Variants in MTUS1 observed in about 807,000 individuals in gnomAD.
The protein encoded by MTUS1 is microtubule associated scaffold protein 1, also known as microtubule-associated tumor suppressor 1.
A neutral mutation model predicts 120.8 loss-of-function variants in MTUS1; 109 were observed. The ratio of observed to expected loss-of-function variants is 0.90; its 90% CI spans 0.77 to 1.06. MTUS1 has a LOEUF of 1.06. MTUS1 is among the 50% of genes least tolerant of loss of function. MTUS1 has a pLI of 0.00. For synonymous variants in MTUS1, 737 were observed against 550.5 expected, an observed-to-expected ratio of 1.34 and a Z score of -4.74; for missense variants, 2,210 against 1,486.3, an observed-to-expected ratio of 1.49 and a Z score of -8.01.
chr8:17,679,061 C>G (rs2130702011), intron 7 of MTUS1, among the ~76,000 whole-genome samples: 1 of 152,272 alleles, frequency 6.6e-6, no homozygotes, highest in African/African-American at 2.4e-5. Flanking sequence ...ATGTCTGCCA[C>G]TACAGTGGGA....
In MTUS1 at chr8:17,644,129, C is replaced by G. The variant is rs913657742; in HGVS notation, c.*1797G>C. 1 of 152,162 alleles carries G rather than the reference C, an allele frequency of 6.6e-6. No individual in the cohort carries two copies. The highest frequency in any genetic ancestry group is 3.2e-3 in the Middle Eastern group (1 of 316). The allele number at this position is 152,162 out of a possible 1,614,324, so 9.4% of individuals were successfully genotyped here. ...TGGCAAACCCAACTTTGGCTAATGT[C>G]ATTGAGAACAACTTGGAAGCGTGAG... On this transcript the variant is annotated 3_prime_UTR_variant, in exon 15 of 15. Coordinates refer to ENST00000693296, the MANE Select transcript of MTUS1 (RefSeq NM_001363059.2).
intron 2 of MTUS1, among the ~76,000 whole-genome samples, chr8:17,747,640 T>C (rs1229637955): frequency 6.7e-6 from 1 of 149,964 alleles, no homozygotes; most frequent in Non-Finnish European, 1.5e-5. Flanking sequence ...GAAAGTTGCC[T>C]TTTCCAAAAC....
chr8:17,695,130 G>A (rs533523156), intron 6 of MTUS1, among the ~76,000 whole-genome samples: 4 of 152,258 alleles, frequency 2.6e-5, no homozygotes, highest in Non-Finnish European at 4.4e-5. Context: ...CCCACTTGAC[G>A]GACGATTTCT....
intron 6 of MTUS1, among the ~76,000 whole-genome samples, chr8:17,698,399 T>G (rs888124707): frequency 6.6e-6 from 1 of 151,996 alleles, no homozygotes; most frequent in Admixed American, 6.6e-5. Context: ...CCAAAAGAAC[T>G]TGAAAAACAA....
rs1805560960 is a variant in MTUS1 at position 17,645,319 on chromosome 8, A to G, written c.*607T>C. On this transcript the variant is annotated 3_prime_UTR_variant, in exon 15 of 15. Coordinates refer to ENST00000693296, the MANE Select transcript of MTUS1 (RefSeq NM_001363059.2). Reference sequence around the variant, plus strand: ...CCTACCCTGTTACAGGGCTGAGCAGAGTTGGTGGTAGATGATCATAATTCA... The same window carrying G: ...CCTACCCTGTTACAGGGCTGAGCAGGGTTGGTGGTAGATGATCATAATTCA... The G allele has an allele frequency of 6.5e-6, 1 of 152,736 alleles. No individual in the cohort carries two copies. Among genetic ancestry groups the G allele is most frequent in the Admixed American group, 6.5e-5 (1 of 15,288 alleles). 9.5% of individuals were successfully genotyped at this position (152,736 alleles called of 1,614,324 possible). A position where few individuals can be genotyped will look rare whatever the true frequency, so the allele number is the denominator to read the frequency against.
chr8:17,720,900 A>G (rs1166322325), intron 4 of MTUS1, among the ~76,000 whole-genome samples: 1 of 152,212 alleles, frequency 6.6e-6, no homozygotes, highest in East Asian at 1.9e-4. Context: ...GAAATTTTCT[A>G]CACTTAAAAG....
chr8:17,781,861 T>C (rs2050899532), intron 1 of MTUS1, among the ~76,000 whole-genome samples: 1 of 152,140 alleles, frequency 6.6e-6, no homozygotes, highest in African/African-American at 2.4e-5. Flanking sequence ...GACTTGGCCC[T>C]AGATAATCAT....
At chr8:17,774,265 C>T in intron 1 of MTUS1, among the ~76,000 whole-genome samples, 1 of 152,190 alleles carries the variant, frequency 6.6e-6, no homozygotes, top group South Asian at 2.1e-4. Flanking sequence ...AACACTAGCC[C>T]TTCACATCTG....
rs2048518564 is a variant in MTUS1 at position 17,755,238 on chromosome 8, C to T, written c.570G>A (p.Leu190=). The change falls in exon 2 of 15, where the codon CTG becomes CTA. Residue 190 remains leucine, a synonymous_variant. Transcript: ENST00000693296. ...KSQSFHTAGS[L]PPTGRRSGST... is the part of the protein sequence containing the mutation. ...TTCCACTTCTCCTACCAGTTGGTGG[C>T]AGGCTTCCAGCAGTATGGAAGGACT... The T allele has an allele frequency of 6.2e-6, 10 of 1,614,120 alleles. No individual in the cohort carries two copies. Among genetic ancestry groups the T allele is most frequent in the Non-Finnish European group, 8.5e-6 (10 of 1,179,986 alleles).
chr8:17,681,758 G>C (rs145151242), intron 7 of MTUS1: 1 of 154,736 alleles, frequency 6.5e-6, no homozygotes. Context: ...AAATGATAAA[G>C]AGCCTTATAG....
At chr8:17,666,816 T>C (rs1585529276) in intron 8 of MTUS1, among the ~76,000 whole-genome samples, 1 of 152,258 alleles carries the variant, frequency 6.6e-6, no homozygotes, top group East Asian at 1.9e-4. Flanking sequence ...CCTATTACTA[T>C]TCCTTAAAGC....
chr8:17,718,825 A>G (rs1359776050), intron 4 of MTUS1, among the ~76,000 whole-genome samples: 1 of 151,718 alleles, frequency 6.6e-6, no homozygotes, highest in Non-Finnish European at 1.5e-5. Context: ...GGAAAAACTA[A>G]GGGATATTCT....
chr8:17,700,192 T>C (rs1036992851), intron 6 of MTUS1, among the ~76,000 whole-genome samples: 6 of 151,842 alleles, frequency 4.0e-5, no homozygotes, highest in Non-Finnish European at 5.9e-5. Flanking sequence ...CCGGGCGCGG[T>C]GGTGAGATTA....
chr8:17,676,118 C>A, intron 7 of MTUS1: 1 of 605,386 alleles, frequency 1.7e-6, no homozygotes, highest in South Asian at 2.0e-5. Context: ...AGACGGAGCT[C>A]CCACCACATC....
intron 3 of MTUS1, among the ~76,000 whole-genome samples, chr8:17,725,064 C>T (rs973868035): frequency 1.4e-4 from 21 of 152,200 alleles, no homozygotes; most frequent in African/African-American, 4.8e-4. Flanking sequence ...CCATATAGCC[C>T]TATTTTTTAT....
At chr8:17,719,562 T>A (rs1265305915) in intron 4 of MTUS1, among the ~76,000 whole-genome samples, 1 of 152,228 alleles carries the variant, frequency 6.6e-6, no homozygotes, top group South Asian at 2.1e-4. Flanking sequence ...AGTACTAACA[T>A]GTTTTGTGAT....
chr8:17,654,696 A>C, intron 9 of MTUS1, 30 bp from the exon 10 acceptor site: 1 of 1,521,086 alleles, frequency 6.6e-7, no homozygotes, highest in South Asian at 1.1e-5. Context: ...CCGTGGTTTA[A>C]CAGTAAAACC....
chr8:17,694,937 G>A (rs1332086715), intron 6 of MTUS1, among the ~76,000 whole-genome samples: 1 of 152,118 alleles, frequency 6.6e-6, no homozygotes, highest in East Asian at 1.9e-4. Context: ...GCCGTGTGAG[G>A]TTAGGTGCAC....
At chr8:17,786,124 A>T (rs1269586759) in intron 1 of MTUS1, among the ~76,000 whole-genome samples, 1 of 152,178 alleles carries the variant, frequency 6.6e-6, no homozygotes. Flanking sequence ...TGGGTGACAG[A>T]GCGAGACCCC....
Sources: gnomAD v4.1 joint callset for allele counts (sites outside exome capture counted in the v4.1 genomes callset) on GRCh38, gnomAD v4.1.1 for gene constraint, MANE v1.5 for transcripts, NCBI Gene and HGNC (gene_info 2026-07-23, HGNC 2026-07-21) for gene names.